The following GABRG3 variants were observed in gnomAD, a reference collection of about 807,000 sequenced individuals.
GABRG3 encodes the protein gamma-aminobutyric acid receptor subunit gamma-3.
GABRG3 carries 25 observed loss-of-function variants against 48.8 expected under a neutral mutation model. That is an observed-to-expected ratio of 0.51 (90% CI 0.37 to 0.72). The LOEUF (loss-of-function observed/expected upper bound fraction) is 0.72, where lower values mean the gene tolerates loss of function less well. Among genes scored for constraint, GABRG3 ranks in the 30% least tolerant of loss-of-function variants. The pLI, the probability that GABRG3 is intolerant of heterozygous loss-of-function variation, is 0.00. For missense variants in GABRG3, 394 were observed against 577.9 expected, an observed-to-expected ratio of 0.68 and a Z score of 3.26; for synonymous variants, 227 against 217.6, an observed-to-expected ratio of 1.04 and a Z score of -0.38.
chr15:27,161,651 A>G (rs1370635349), intron 3 of GABRG3, among the ~76,000 whole-genome samples: 1 of 152,182 alleles, frequency 6.6e-6, no homozygotes, highest in Non-Finnish European at 1.5e-5. Flanking sequence ...TGAATACTTT[A>G]GCATTTTGAA....
chr15:27,373,673 A>T (rs1386550839), intron 5 of GABRG3, among the ~76,000 whole-genome samples: 1 of 152,210 alleles, frequency 6.6e-6, no homozygotes, highest in Non-Finnish European at 1.5e-5. Flanking sequence ...TACTTTGAAA[A>T]TCTGACCTTT....
rs1889992157 is a variant in GABRG3 at position 27,236,956 on chromosome 15, G to A, written c.271-89853G>A. Among the ~76,000 whole-genome samples the A allele has an allele frequency of 6.6e-6, 1 of 152,160 alleles. No homozygotes were observed. Among genetic ancestry groups the A allele is most frequent in the Non-Finnish European group, 1.5e-5 (1 of 68,040 alleles). On this transcript the variant is annotated intron_variant, in intron 3 of 9. Transcript: ENST00000615808. The surrounding 1 kb of genome is among the most constrained non-coding windows in gnomAD (Gnocchi z 4.4). ...GAGGACTTGCTCTGGGCTTGTGCTG[G>A]AGGTTATGCTTCCCAGCCTGCAGGA... is the stretch of plus-strand genomic sequence containing the variant.
chr15:27,170,581 A>G (rs1251225418), intron 3 of GABRG3, among the ~76,000 whole-genome samples: 1 of 152,220 alleles, frequency 6.6e-6, no homozygotes, highest in Non-Finnish European at 1.5e-5. Context: ...AAAAAGCAGG[A>G]TGAAAGACAG....
At chr15:27,255,940 CCTCT>C (rs1316662666) in intron 3 of GABRG3, among the ~76,000 whole-genome samples, 1 of 152,144 alleles carries the variant, frequency 6.6e-6, no homozygotes, top group Non-Finnish European at 1.5e-5. Context: ...GAATAATGAC[CCTCT>C]CTCTCCACCA....
At chr15:27,210,724 G>T (rs568759407) in intron 3 of GABRG3, among the ~76,000 whole-genome samples, 1 of 152,334 alleles carries the variant, frequency 6.6e-6, no homozygotes, top group South Asian at 2.1e-4. Flanking sequence ...GAGGTGTGGT[G>T]TTCCCACAGC....
intron 3 of GABRG3, among the ~76,000 whole-genome samples, chr15:27,282,496 A>G (rs1230794580): frequency 6.6e-6 from 1 of 152,142 alleles, no homozygotes; most frequent in Non-Finnish European, 1.5e-5. Flanking sequence ...TCTTCTATTA[A>G]GCCCATTTAG....
chr15:27,441,632 TG>T (rs1222103219), intron 5 of GABRG3, among the ~76,000 whole-genome samples: 1 of 152,106 alleles, frequency 6.6e-6, no homozygotes, highest in African/African-American at 2.4e-5. Context: ...TGGAAAATCT[TG>T]GGGTCTTCCA....
intron 3 of GABRG3, among the ~76,000 whole-genome samples, chr15:27,182,557 C>T (rs1279799159): frequency 1.1e-4 from 16 of 152,258 alleles, no homozygotes; most frequent in South Asian, 4.1e-4. Flanking sequence ...CCTGGGCTTC[C>T]GCTCCTGGTC....
At chr15:27,194,805 A>T (rs1330164495) in intron 3 of GABRG3, among the ~76,000 whole-genome samples, 1 of 152,114 alleles carries the variant, frequency 6.6e-6, no homozygotes, top group African/African-American at 2.4e-5. Flanking sequence ...AAGTTTCAGA[A>T]GTTTTCAGCC....
At chr15:27,468,105 A>C (rs901474021) in intron 5 of GABRG3, among the ~76,000 whole-genome samples, 3 of 152,178 alleles carry the variant, frequency 2.0e-5, no homozygotes, top group Admixed American at 6.5e-5. Context: ...AAGTCCCCAT[A>C]CACCTGTGGG....
At chr15:26,984,436 CTAAT>C (rs1895114181) in intron 2 of GABRG3, among the ~76,000 whole-genome samples, 2 of 152,214 alleles carry the variant, frequency 1.3e-5, no homozygotes, top group African/African-American at 4.8e-5. Context: ...ATGGAATCCT[CTAAT>C]TAGTTTTCAT....
intron 3 of GABRG3, among the ~76,000 whole-genome samples, chr15:27,064,116 C>T (rs1483827922): frequency 6.6e-6 from 1 of 150,934 alleles, no homozygotes. Flanking sequence ...AGGAACTGGA[C>T]ACGTAGTGGG....
intron 3 of GABRG3, among the ~76,000 whole-genome samples, chr15:27,066,228 ACAAACCTCACT>A (rs1896735595): frequency 6.6e-6 from 1 of 152,248 alleles, no homozygotes; most frequent in Admixed American, 6.5e-5. Context: ...TTACGTTCAT[ACAAACCTCACT>A]CAATACTAAC....
chr15:27,210,335 G>A (rs1286445092), intron 3 of GABRG3, among the ~76,000 whole-genome samples: 1 of 152,198 alleles, frequency 6.6e-6, no homozygotes, highest in Non-Finnish European at 1.5e-5. Flanking sequence ...GTTTAGATGA[G>A]TAATCATGAA....
chr15:27,383,384 C>T (rs1269420075), intron 5 of GABRG3, among the ~76,000 whole-genome samples: 1 of 152,114 alleles, frequency 6.6e-6, no homozygotes, highest in Non-Finnish European at 1.5e-5. Context: ...GTCTTGTGCT[C>T]CTGTGATATG....
intron 3 of GABRG3, chr15:27,280,180 A>C (rs1427879071): frequency 6.6e-6 from 1 of 151,594 alleles, no homozygotes; most frequent in Non-Finnish European, 1.5e-5. Flanking sequence ...TCTTTGGAAA[A>C]ATTTTGCTAT....
At chr15:27,439,851 G>T (rs776549383) in intron 5 of GABRG3, among the ~76,000 whole-genome samples, 2 of 152,194 alleles carry the variant, frequency 1.3e-5, no homozygotes, top group Non-Finnish European at 2.9e-5. Context: ...TCATTTAGGG[G>T]TAGACGGCAC....
At chr15:27,513,884 A>G (rs999292336) in intron 6 of GABRG3, among the ~76,000 whole-genome samples, 2 of 152,250 alleles carry the variant, frequency 1.3e-5, no homozygotes, top group African/African-American at 2.4e-5. Context: ...ATATACATGT[A>G]TCAAGAACTA....
chr15:27,151,356 TG>T (rs1262212930), intron 3 of GABRG3, among the ~76,000 whole-genome samples: 1 of 105,438 alleles, frequency 9.5e-6, no homozygotes, highest in Non-Finnish European at 1.9e-5. Flanking sequence ...CTTTTGGGAC[TG>T]TTTTTTTTTT....
Sources: gnomAD v4.1 joint callset for allele counts (sites outside exome capture counted in the v4.1 genomes callset) on GRCh38, gnomAD v4.1.1 for gene constraint, Gnocchi (gnomAD v3.1) non-coding constraint, MANE v1.5 for transcripts, NCBI Gene and HGNC (gene_info 2026-07-23, HGNC 2026-07-21) for gene names.